Variants in CDS1 observed in about 807,000 individuals in gnomAD.
CDS1 encodes the protein phosphatidate cytidylyltransferase 1.
CDS1 carries 41 observed loss-of-function variants against 62.1 expected under a neutral mutation model. That is an observed-to-expected ratio of 0.66 (90% confidence interval 0.51 to 0.86). The LOEUF (loss-of-function observed/expected upper bound fraction) is 0.86. Ranked by LOEUF, CDS1 falls within the 40% of genes least tolerant of loss-of-function variation. CDS1 has a pLI of 0.00. For missense variants in CDS1, 470 were observed against 550.1 expected, an observed-to-expected ratio of 0.85 and a Z score of 1.46; for synonymous variants, 185 against 192.6, an observed-to-expected ratio of 0.96 and a Z score of 0.32.
chr4:84,628,008 C>T (rs774207971), intron 5 of CDS1, among the ~76,000 whole-genome samples: 134 of 152,236 alleles, frequency 8.8e-4, no homozygotes, highest in Non-Finnish European at 1.6e-3. Context: ...ATGGTAATCT[C>T]CACGATGCAT....
At chr4:84,639,526 A>G (rs1007291698) in intron 9 of CDS1, among the ~76,000 whole-genome samples, 4 of 152,182 alleles carry the variant, frequency 2.6e-5, no homozygotes, top group African/African-American at 9.7e-5. Context: ...GCTATTTTTC[A>G]TGTTTTACAA....
At chr4:84,604,195 G>A (rs754298141) in intron 1 of CDS1, 48 bp from the exon 2 acceptor site, 1 of 1,559,072 alleles carries the variant, frequency 6.4e-7, no homozygotes, top group South Asian at 1.2e-5. Flanking sequence ...GCCAGCCTGT[G>A]CTTTTTTAAA....
intron 5 of CDS1, among the ~76,000 whole-genome samples, chr4:84,625,515 G>A (rs1723828976): frequency 6.6e-6 from 1 of 152,118 alleles, no homozygotes; most frequent in Non-Finnish European, 1.5e-5. Flanking sequence ...GAGCAAGCAG[G>A]CAGTTGCCAG....
intron 1 of CDS1, among the ~76,000 whole-genome samples, chr4:84,600,280 G>A (rs1345409514): frequency 6.6e-6 from 1 of 152,146 alleles, no homozygotes; most frequent in African/African-American, 2.4e-5. Flanking sequence ...TGTTAGATAT[G>A]TGATTTGAAA....
chr4:84,612,456 A>G (rs1180102996), intron 3 of CDS1, among the ~76,000 whole-genome samples: 2 of 152,106 alleles, frequency 1.3e-5, no homozygotes, highest in Non-Finnish European at 2.9e-5. Flanking sequence ...GTTGAGTATA[A>G]TAACTAGGGC....
At chr4:84,627,464 T>C (rs927107962) in intron 5 of CDS1, among the ~76,000 whole-genome samples, 1 of 152,246 alleles carries the variant, frequency 6.6e-6, no homozygotes, top group Admixed American at 6.5e-5. Flanking sequence ...ACTTGGTGAT[T>C]TGGAATTGGG....
At chr4:84,595,649 A>G (rs896049210) in intron 1 of CDS1, among the ~76,000 whole-genome samples, 1 of 152,242 alleles carries the variant, frequency 6.6e-6, no homozygotes, top group African/African-American at 2.4e-5. Context: ...GCAAGGCAGA[A>G]AAGCTGGAGG....
At chr4:84,626,188 C>CA (rs752392181) in intron 5 of CDS1, among the ~76,000 whole-genome samples, 68 of 151,560 alleles carry the variant, frequency 4.5e-4, no homozygotes, top group Middle Eastern at 6.8e-3. Flanking sequence ...AACAAACAAA[C>CA]AAAAAAAACA....
intron 1 of CDS1, among the ~76,000 whole-genome samples, chr4:84,600,013 CT>C (rs1722888190): frequency 6.6e-6 from 1 of 152,162 alleles, no homozygotes; most frequent in African/African-American, 2.4e-5. Context: ...GTGCGCAAGC[CT>C]TTCAGTTCCT....
chr4:84,619,822 C>T (rs1288921275), intron 5 of CDS1, among the ~76,000 whole-genome samples: 4 of 151,796 alleles, frequency 2.6e-5, no homozygotes, highest in East Asian at 3.9e-4. Flanking sequence ...CATCTGAAGT[C>T]GGGAGTTTGA....
At chr4:84,616,013 TTC>T (rs1723481780) in intron 3 of CDS1, among the ~76,000 whole-genome samples, 1 of 152,226 alleles carries the variant, frequency 6.6e-6, no homozygotes, top group Admixed American at 6.5e-5. Context: ...AATACTTTTG[TTC>T]TCTCCTCTCA....
Position 84,642,258 on chromosome 4 carries a change from G to A in CDS1, c.1033-766G>A, listed in dbSNP as rs187549727. Among the ~76,000 whole-genome samples, 445 of 151,814 alleles carry A rather than the reference G, an allele frequency of 2.9e-3. 2 individuals are homozygous for A. Among genetic ancestry groups the A allele is most frequent in the African/African-American group, 0.01 (416 of 41,370 alleles). The stretch of plus-strand genomic sequence containing the variant: ...GGAGAATCACTTGAACCTGGGAGGC[G>A]GAGGTTGCGGTGAGCCGAGATTGCA... On this transcript the variant is annotated intron_variant, in intron 10 of 12. Transcript: ENST00000295887.
intron 1 of CDS1, among the ~76,000 whole-genome samples, chr4:84,590,178 G>T (rs72947541): frequency 6.6e-6 from 1 of 152,190 alleles, no homozygotes; most frequent in African/African-American, 2.4e-5. Context: ...ACAATTTGGG[G>T]TTAGTAGATA....
chr4:84,636,999 G>A (rs1016144572), intron 8 of CDS1, among the ~76,000 whole-genome samples: 1 of 152,152 alleles, frequency 6.6e-6, no homozygotes, highest in African/African-American at 2.4e-5. Flanking sequence ...CCTTCTGTTT[G>A]TTCAGAGTGG....
At chr4:84,603,489 A>C (rs1240787125) in intron 1 of CDS1, among the ~76,000 whole-genome samples, 1 of 152,196 alleles carries the variant, frequency 6.6e-6, no homozygotes, top group East Asian at 1.9e-4. Context: ...GACTTACAGC[A>C]GAATGAACAA....
chr4:84,643,198 C>A (rs955328242), intron 11 of CDS1, 55 bp downstream of exon 11: 2 of 1,570,448 alleles, frequency 1.3e-6, no homozygotes, highest in East Asian at 2.3e-5. Flanking sequence ...GAGAATGTAA[C>A]CTAGTTGGAA....
chr4:84,640,887 A>G lies in CDS1; in HGVS notation c.929A>G (p.Tyr310Cys). 1 of 1,610,900 alleles carries G rather than the reference A, an allele frequency of 6.2e-7. No individual in the cohort carries two copies. Among genetic ancestry groups the G allele is most frequent in the Non-Finnish European group, 8.5e-7 (1 of 1,178,700 alleles). ...CAGTACTTTGTCTGCCCAGTGGAAT[A>G]CCGAAGTGATGTAAACTCCTTCGTG... Reference protein sequence around the residue: ...KYQYFVCPVEYRSDVNSFVTE... With the variant: ...KYQYFVCPVECRSDVNSFVTE... Residue 310 changes from tyrosine to cysteine, a missense_variant, in exon 10 of 13, where the codon TAC becomes TGC. Tyr to Cys is a radical substitution (Grantham distance 194). Transcript: ENST00000295887.
intron 5 of CDS1, among the ~76,000 whole-genome samples, chr4:84,626,615 A>T (rs1332038798): frequency 2.0e-5 from 3 of 152,190 alleles, no homozygotes; most frequent in African/African-American, 7.2e-5. Context: ...ATGCAACCTC[A>T]TAGTAAGCTA....
At chr4:84,624,638 A>G (rs747755909) in intron 5 of CDS1, among the ~76,000 whole-genome samples, 5 of 152,186 alleles carry the variant, frequency 3.3e-5, no homozygotes, top group Admixed American at 6.5e-5. Flanking sequence ...TGAGAGGTAG[A>G]ATGTCAGCAT....
Sources: allele counts gnomAD v4.1 joint callset (sites outside exome capture counted in the v4.1 genomes callset), GRCh38; gene constraint gnomAD v4.1.1; transcripts MANE v1.5; gene names NCBI Gene and HGNC (gene_info 2026-07-23, HGNC 2026-07-21).